Variants in NPAS3 observed in about 807,000 individuals in gnomAD.
NPAS3 encodes neuronal PAS domain protein 3.
A neutral mutation model predicts 73.1 loss-of-function variants in NPAS3; 14 were observed. That is an observed-to-expected ratio of 0.19 (90% CI 0.13 to 0.30). The LOEUF (loss-of-function observed/expected upper bound fraction) is 0.30, where lower values mean the gene tolerates loss of function less well. NPAS3 is among the 10% of genes least tolerant of loss of function. The pLI, the probability that NPAS3 is intolerant of heterozygous loss-of-function variation, is 1.00. For missense variants in NPAS3, 1,096 were observed against 1,250.0 expected (o/e 0.88, Z 1.86); for synonymous variants, 620 against 541.5 (o/e 1.14, Z -2.01).
upstream of NPAS3, among the ~76,000 whole-genome samples, chr14:32,938,753 CG>C (rs2035815192): frequency 1.3e-5 from 2 of 149,120 alleles, no homozygotes; most frequent in South Asian, 4.3e-4. Context: ...GGGGCGGGGG[CG>C]GGTGGCGGCG....
intron 6 of NPAS3, among the ~76,000 whole-genome samples, chr14:33,683,995 G>T (rs1440645163): frequency 6.6e-6 from 1 of 152,080 alleles, no homozygotes; most frequent in Non-Finnish European, 1.5e-5. Context: ...AAAAAGTGAT[G>T]GAAATTCTAA....
intron 3 of NPAS3, among the ~76,000 whole-genome samples, chr14:33,253,162 G>T (rs181208596): frequency 3.9e-5 from 6 of 152,142 alleles, no homozygotes. Flanking sequence ...CGGGTCAAAC[G>T]GTAGTTCTGT....
intron 7 of NPAS3, among the ~76,000 whole-genome samples, chr14:33,748,905 C>T (rs1172894386): frequency 6.6e-6 from 1 of 152,126 alleles, no homozygotes; most frequent in Non-Finnish European, 1.5e-5. Context: ...CAGAAGTTCC[C>T]AAAGGGTCAT....
intron 5 of NPAS3, among the ~76,000 whole-genome samples, chr14:33,635,441 A>T (rs2058487485): frequency 6.6e-6 from 1 of 152,180 alleles, no homozygotes; most frequent in South Asian, 2.1e-4. Flanking sequence ...GGAATTTTAG[A>T]CTAGAAGAGA....
At chr14:32,996,866 CT>C (rs1391638221) in intron 1 of NPAS3, among the ~76,000 whole-genome samples, 1 of 152,154 alleles carries the variant, frequency 6.6e-6, no homozygotes, top group Non-Finnish European at 1.5e-5. Context: ...AGGGCACTGC[CT>C]AATGGAGCTT....
intron 1 of NPAS3, among the ~76,000 whole-genome samples, chr14:33,022,464 A>G (rs1447882269): frequency 2.0e-5 from 3 of 152,126 alleles, no homozygotes; most frequent in African/African-American, 7.2e-5. Flanking sequence ...GGAGATCGAG[A>G]CCATCCTGGC....
chr14:33,631,279 A>G (rs1453113076), intron 5 of NPAS3, among the ~76,000 whole-genome samples: 1 of 152,220 alleles, frequency 6.6e-6, no homozygotes, highest in Non-Finnish European at 1.5e-5. Flanking sequence ...TGTGTAGTCT[A>G]AAATACCTTT....
chr14:33,098,497 C>G (rs1215336513), intron 2 of NPAS3, among the ~76,000 whole-genome samples: 5 of 152,074 alleles, frequency 3.3e-5, no homozygotes, highest in East Asian at 1.9e-4. Context: ...TTTCAATACT[C>G]AAAATGACAG....
chr14:33,306,214 CTT>C (rs2042748929), intron 3 of NPAS3, among the ~76,000 whole-genome samples: 1 of 149,652 alleles, frequency 6.7e-6, no homozygotes, highest in Non-Finnish European at 1.5e-5. Flanking sequence ...ATTTTTATCT[CTT>C]TCTAAGAATG....
intron 4 of NPAS3, among the ~76,000 whole-genome samples, chr14:33,465,999 T>A (rs1005306055): frequency 6.6e-6 from 1 of 152,172 alleles, no homozygotes; most frequent in African/African-American, 2.4e-5. Flanking sequence ...TCTGGAAGAA[T>A]GGATGAAATC....
chr14:33,368,803 T>C (rs763809112), intron 4 of NPAS3, among the ~76,000 whole-genome samples: 26 of 152,180 alleles, frequency 1.7e-4, no homozygotes, highest in Non-Finnish European at 1.6e-4. Flanking sequence ...TACACACATG[T>C]TGTTTGGAAT....
chr14:32,987,193 T>C (rs1177219614), intron 1 of NPAS3, among the ~76,000 whole-genome samples: 3 of 152,054 alleles, frequency 2.0e-5, no homozygotes, highest in Admixed American at 2.0e-4. Context: ...GTATGCACAT[T>C]GAGTGACTAA....
chr14:33,173,700 A>G (rs1221233978), intron 2 of NPAS3, among the ~76,000 whole-genome samples: 2 of 152,178 alleles, frequency 1.3e-5, no homozygotes, highest in South Asian at 4.1e-4. Flanking sequence ...TTATACTTTG[A>G]ATGTGCTTTT....
At chr14:32,975,787 A>T (rs2037642328) in intron 1 of NPAS3, among the ~76,000 whole-genome samples, 1 of 151,894 alleles carries the variant, frequency 6.6e-6, no homozygotes, top group Non-Finnish European at 1.5e-5. Context: ...ACAGCTCTGC[A>T]TGTTTTACAG....
At chr14:33,690,158 A>G (rs930781172) in intron 6 of NPAS3, among the ~76,000 whole-genome samples, 1 of 152,254 alleles carries the variant, frequency 6.6e-6, no homozygotes, top group East Asian at 1.9e-4. Context: ...TTACTATCGA[A>G]TCAGCTTTCG....
At chr14:33,617,122 T>C (rs2057943586) in intron 5 of NPAS3, among the ~76,000 whole-genome samples, 2 of 152,180 alleles carry the variant, frequency 1.3e-5, no homozygotes. Context: ...CCTTAGAAGT[T>C]TGAGCAAGGC....
At chr14:33,381,375 C>T (rs1214726491) in intron 4 of NPAS3, among the ~76,000 whole-genome samples, 1 of 152,214 alleles carries the variant, frequency 6.6e-6, no homozygotes, top group Non-Finnish European at 1.5e-5. Flanking sequence ...ACTGGATTCA[C>T]AGCTAAGCTG....
chr14:33,303,891 C>CTACCA (rs1232338664), intron 3 of NPAS3, among the ~76,000 whole-genome samples: 4 of 151,442 alleles, frequency 2.6e-5, no homozygotes, highest in Non-Finnish European at 4.4e-5. Flanking sequence ...TAGAAACTCA[C>CTACCA]TACCAAGCTT....
At chr14:33,572,289 T>G (rs2056247621) in intron 5 of NPAS3, among the ~76,000 whole-genome samples, 1 of 152,114 alleles carries the variant, frequency 6.6e-6, no homozygotes. Flanking sequence ...TAACAATAAT[T>G]ACATTTTTTT....
Sources: allele counts gnomAD v4.1 joint callset (sites outside exome capture counted in the v4.1 genomes callset), GRCh38; gene constraint gnomAD v4.1.1; transcripts MANE v1.5; gene names NCBI Gene and HGNC (gene_info 2026-07-23, HGNC 2026-07-21).